The following C2orf42 variants were observed in gnomAD, a reference collection of about 807,000 sequenced individuals.
The protein encoded by C2orf42 is chromosome 2 open reading frame 42, also known as uncharacterized protein C2orf42.
Under a neutral mutation model 58.9 loss-of-function variants are expected in C2orf42, and 44 were observed. The ratio of observed to expected loss-of-function variants is 0.75; its 90% CI spans 0.59 to 0.96. The LOEUF is 0.96. Among genes scored for constraint, C2orf42 ranks in the 40% least tolerant of loss-of-function variants. The pLI, the probability that C2orf42 is intolerant of heterozygous loss-of-function variation, is 0.00. For missense variants in C2orf42, 630 were observed against 699.2 expected, an observed-to-expected ratio of 0.90 and a Z score of 1.12; for synonymous variants, 239 against 265.4, an observed-to-expected ratio of 0.90 and a Z score of 0.97.
intron 8 of C2orf42, among the ~76,000 whole-genome samples, chr2:70,162,321 CTT>C (rs1209281752): frequency 1.4e-5 from 2 of 138,150 alleles, no homozygotes; most frequent in African/African-American, 6.1e-5. Context: ...CTTTTGCTTT[CTT>C]TCTTTCTTTC....
At chr2:70,164,516 C>T (rs1263718544) in intron 8 of C2orf42, among the ~76,000 whole-genome samples, 1 of 151,958 alleles carries the variant, frequency 6.6e-6, no homozygotes, top group Non-Finnish European at 1.5e-5. Flanking sequence ...CCTGTAATCC[C>T]AGCTAGCCGG....
At chr2:70,175,310 T>C (rs1469479199) in intron 5 of C2orf42, among the ~76,000 whole-genome samples, 1 of 152,126 alleles carries the variant, frequency 6.6e-6, no homozygotes, top group African/African-American at 2.4e-5. Flanking sequence ...TTTTTCCTGA[T>C]CCTCTCACCC....
At chr2:70,187,891 A>G (rs903035807) in intron 1 of C2orf42, among the ~76,000 whole-genome samples, 1 of 152,134 alleles carries the variant, frequency 6.6e-6, no homozygotes, top group South Asian at 2.1e-4. Flanking sequence ...GGGTTTCACC[A>G]TGTTGGCCAG....
intron 9 of C2orf42, among the ~76,000 whole-genome samples, chr2:70,154,068 C>CA (rs1306246622): frequency 0.01 from 1,133 of 109,022 alleles, 13 homozygotes; most frequent in African/African-American, 0.056. Flanking sequence ...AACAAACAAA[C>CA]AAACAAAAAA....
intron 5 of C2orf42, among the ~76,000 whole-genome samples, chr2:70,173,967 T>C (rs572545729): frequency 6.6e-6 from 1 of 152,216 alleles, no homozygotes; most frequent in East Asian, 1.9e-4. Context: ...GATGAACACA[T>C]CCTGCAAGAC....
rs1284040332 is a variant in C2orf42, at chr2:70,181,384, A to C, written c.602T>G (p.Leu201Trp). Residue 201 changes from leucine (L) to tryptophan (W), a missense_variant, in exon 3 of 10, where the codon TTG becomes TGG. Coordinates refer to ENST00000264434, the MANE Select transcript of C2orf42 (RefSeq NM_017880.3). ...CACAAAAGATGTATGCAAATACCCCAAACTGTGCTTCTGGCTTGCCTTGCA... is the reference window on the plus strand; with the variant it reads ...CACAAAAGATGTATGCAAATACCCCCAACTGTGCTTCTGGCTTGCCTTGCA... ...VKCKASQKHS[L>W]GYLHTSFVQK... The C allele has an allele frequency of 6.2e-7, 1 of 1,614,004 alleles. No homozygotes were observed. Among genetic ancestry groups the C allele is most frequent in the Non-Finnish European group, 8.5e-7 (1 of 1,180,000 alleles).
intron 6 of C2orf42, among the ~76,000 whole-genome samples, chr2:70,166,785 A>T (rs1035465709): frequency 3.9e-5 from 6 of 152,158 alleles, no homozygotes; most frequent in African/African-American, 9.7e-5. Context: ...CACAGCACAG[A>T]CTTTCCCCCT....
At chr2:70,153,811 G>C (rs1162191969) in intron 9 of C2orf42, among the ~76,000 whole-genome samples, 1 of 151,610 alleles carries the variant, frequency 6.6e-6, no homozygotes, top group Non-Finnish European at 1.5e-5. Context: ...TGTAATCCCA[G>C]CATTTTGGGA....
rs927212586 is a variant in C2orf42 at position 70,167,383 on chromosome 2, G to T, written c.1145-1748C>A. On this transcript the variant is annotated intron_variant, in intron 6 of 9. Transcript: ENST00000264434. ...AAAAAAAAAAAAAGAAAAGAAACTT[G>T]TCAGACATTAGGTCAACAAAAAGAG... Among the ~76,000 whole-genome samples the T allele has an allele frequency of 4.0e-5, 6 of 150,330 alleles. No homozygotes were observed. In the Admixed American group the frequency reaches 4.0e-4, roughly 10 times the overall value.
chr2:70,171,042 G>A (rs1249217472), intron 5 of C2orf42, among the ~76,000 whole-genome samples: 1 of 152,002 alleles, frequency 6.6e-6, no homozygotes, highest in African/African-American at 2.4e-5. Context: ...ATGAACCCGG[G>A]AGGCGGAGCT....
intron 5 of C2orf42, among the ~76,000 whole-genome samples, chr2:70,174,331 T>C (rs946101559): frequency 6.6e-6 from 1 of 151,936 alleles, no homozygotes; most frequent in Non-Finnish European, 1.5e-5. Context: ...TAAATAAAAA[T>C]AAATACAATA....
intron 8 of C2orf42, among the ~76,000 whole-genome samples, chr2:70,162,505 G>A (rs1275629274): frequency 6.6e-6 from 1 of 151,636 alleles, no homozygotes; most frequent in East Asian, 2.0e-4. Context: ...AATTAGCTGG[G>A]CAGGATGGTG....
At chr2:70,166,471 G>C (rs1673412570) in intron 6 of C2orf42, among the ~76,000 whole-genome samples, 1 of 144,846 alleles carries the variant, frequency 6.9e-6, no homozygotes. Context: ...TTCGAGACCA[G>C]CTTGGCCAAC....
intron 5 of C2orf42, among the ~76,000 whole-genome samples, chr2:70,174,306 CAATA>C (rs925850252): frequency 6.6e-6 from 1 of 151,778 alleles, no homozygotes; most frequent in Non-Finnish European, 1.5e-5. Flanking sequence ...ACTCCATCTC[CAATA>C]AATAAATAAA....
At chr2:70,185,774 CAT>C (rs1018679967) in intron 1 of C2orf42, among the ~76,000 whole-genome samples, 43 of 148,702 alleles carry the variant, frequency 2.9e-4, no homozygotes, top group African/African-American at 6.3e-4. Flanking sequence ...TATATACACA[CAT>C]ATATATATAT....
At chr2:70,156,039 C>T (rs1672653141) in intron 9 of C2orf42, among the ~76,000 whole-genome samples, 1 of 151,708 alleles carries the variant, frequency 6.6e-6, no homozygotes, top group African/African-American at 2.4e-5. Context: ...CCTGTAATCC[C>T]AGCTGTTTGG....
chr2:70,181,926 G>C lies in C2orf42; in HGVS notation c.60C>G (p.Ala20=). 6.2e-7 allele frequency: 1 copy of C among 1,613,872 alleles called. No individual in the cohort carries two copies. ...GACACTTTCTGATTCCCCTCAATGT[G>C]GCCTTCCCCAAATCAGATAAGAAAG... ...VPAFLSDLGK[A]TLRGIRKCPR... is the part of the protein sequence containing the mutation. The change falls in exon 3 of 10, where the codon GCC becomes GCG. Residue 20 remains alanine (A), a synonymous_variant. Coordinates refer to ENST00000264434, the MANE Select transcript of C2orf42 (RefSeq NM_017880.3).
intron 5 of C2orf42, among the ~76,000 whole-genome samples, chr2:70,171,146 C>T (rs1212091503): frequency 6.6e-6 from 1 of 150,654 alleles, no homozygotes; most frequent in Non-Finnish European, 1.5e-5. Context: ...CATGGTGGTG[C>T]GTGACTGTGG....
chr2:70,150,926 T>C (rs1055050158), intron 9 of C2orf42, among the ~76,000 whole-genome samples: 53 of 152,160 alleles, frequency 3.5e-4, no homozygotes, highest in African/African-American at 1.2e-3. Flanking sequence ...TTTGTATTTT[T>C]AGTAGAGATG....
Sources: allele counts gnomAD v4.1 joint callset (sites outside exome capture counted in the v4.1 genomes callset), GRCh38; gene constraint gnomAD v4.1.1; transcripts MANE v1.5; gene names NCBI Gene and HGNC (gene_info 2026-07-23, HGNC 2026-07-21).